The following GRM7 variants were observed in gnomAD, a reference collection of about 807,000 sequenced individuals.
The protein encoded by GRM7 is glutamate metabotropic receptor 7.
A neutral mutation model predicts 84.5 loss-of-function variants in GRM7; 35 were observed. That is an observed-to-expected ratio of 0.41 (90% CI 0.32 to 0.55). The LOEUF (loss-of-function observed/expected upper bound fraction) is 0.55. Among genes scored for constraint, GRM7 ranks in the 20% least tolerant of loss-of-function variants. GRM7 has a pLI of 0.19. For synonymous variants in GRM7, 487 were observed against 455.1 expected (o/e 1.07, Z -0.89); for missense variants, 1,003 against 1,194.6 (o/e 0.84, Z 2.36).
chr3:7,414,358 C>T (rs1174517666), intron 4 of GRM7, among the ~76,000 whole-genome samples: 2 of 152,148 alleles, frequency 1.3e-5, no homozygotes, highest in East Asian at 3.9e-4. Context: ...TATGTACCTG[C>T]TCATGGTTCC....
intron 4 of GRM7, among the ~76,000 whole-genome samples, chr3:7,311,774 T>C (rs2125042125): frequency 6.6e-6 from 1 of 152,178 alleles, no homozygotes; most frequent in African/African-American, 2.4e-5. Flanking sequence ...TTTGTATTTT[T>C]AGTAGAGACA....
chr3:7,370,850 G>A (rs1195269548), intron 4 of GRM7, among the ~76,000 whole-genome samples: 8 of 152,138 alleles, frequency 5.3e-5, no homozygotes, highest in South Asian at 2.1e-4. Context: ...AGGCAGCAGT[G>A]TGGTAATGTG....
rs1353641560 is a variant in GRM7, at chr3:7,645,122, C to T, written c.2452-34927C>T. 2.0e-5 allele frequency among the ~76,000 whole-genome samples: 3 copies of T among 152,108 alleles called. No homozygotes were observed. In the East Asian group the frequency reaches 5.8e-4, roughly 29 times the overall value. Reference sequence around the variant, plus strand: ...TTTCCCCAAAATGAGCCTTGCCTACCACCAGACAGGAGGAATAACTAAGAC... The same window carrying T: ...TTTCCCCAAAATGAGCCTTGCCTACTACCAGACAGGAGGAATAACTAAGAC... On this transcript the variant is annotated intron_variant, in intron 8 of 9. Coordinates refer to ENST00000357716, the MANE Select transcript of GRM7 (RefSeq NM_000844.4).
intron 1 of GRM7, among the ~76,000 whole-genome samples, chr3:6,887,007 T>C (rs1206490582): frequency 1.3e-5 from 2 of 152,056 alleles, no homozygotes; most frequent in Non-Finnish European, 2.9e-5. Flanking sequence ...ATGTCTATCA[T>C]TCTACCTCTG....
At chr3:7,255,727 T>C (rs964787354) in intron 2 of GRM7, among the ~76,000 whole-genome samples, 5 of 152,166 alleles carry the variant, frequency 3.3e-5, no homozygotes, top group Admixed American at 3.3e-4. Context: ...TTGAAGACAA[T>C]GTTGATGAGA....
intron 2 of GRM7, among the ~76,000 whole-genome samples, chr3:7,226,391 C>T (rs1021300483): frequency 4.6e-5 from 7 of 152,004 alleles, no homozygotes; most frequent in Non-Finnish European, 8.8e-5. Flanking sequence ...GGCTTTTTAC[C>T]GCATGTTGAC....
chr3:7,149,242 T>A (rs2125068505), intron 2 of GRM7, among the ~76,000 whole-genome samples: 1 of 152,192 alleles, frequency 6.6e-6, no homozygotes, highest in Non-Finnish European at 1.5e-5. Flanking sequence ...GTCTACTCAG[T>A]TTTGGTATGG....
chr3:6,880,245 G>A (rs1418570495), intron 1 of GRM7, among the ~76,000 whole-genome samples: 1 of 152,114 alleles, frequency 6.6e-6, no homozygotes, highest in Non-Finnish European at 1.5e-5. Context: ...TTTATTTTAT[G>A]CATTTTACCT....
At chr3:6,962,068 T>G (rs1693323964) in intron 1 of GRM7, among the ~76,000 whole-genome samples, 1 of 152,202 alleles carries the variant, frequency 6.6e-6, no homozygotes, top group African/African-American at 2.4e-5. Context: ...TCTCCACATC[T>G]TCCATCTTGC....
intron 1 of GRM7, among the ~76,000 whole-genome samples, chr3:6,944,246 A>G (rs1313828992): frequency 6.6e-6 from 1 of 152,060 alleles, no homozygotes; most frequent in Non-Finnish European, 1.5e-5. Flanking sequence ...ATATTCTTGT[A>G]TTGTTCCTCA....
intron 9 of GRM7, among the ~76,000 whole-genome samples, chr3:7,717,394 G>A (rs142572755): frequency 6.6e-6 from 1 of 152,236 alleles, no homozygotes; most frequent in African/African-American, 2.4e-5. Context: ...TTGCACAGGT[G>A]GTTGCGGAAG....
intron 1 of GRM7, among the ~76,000 whole-genome samples, chr3:7,056,984 C>T (rs1248658009): frequency 6.6e-6 from 1 of 151,874 alleles, no homozygotes; most frequent in African/African-American, 2.4e-5. Context: ...AATCATTCTG[C>T]AGTACAACTA....
chr3:7,662,575 C>A (rs1352713196), intron 8 of GRM7, among the ~76,000 whole-genome samples: 1 of 152,176 alleles, frequency 6.6e-6, no homozygotes, highest in South Asian at 2.1e-4. Context: ...ATAGAAATTA[C>A]TGTTAAATTT....
rs567253699 is a variant in GRM7, at chr3:7,579,213, A to G, written c.2307A>G (p.Thr769=). The G allele has an allele frequency of 8.1e-6, 13 of 1,613,960 alleles. No homozygotes were observed. The Admixed American group carries it at 8.3e-5, about 10-fold the overall frequency. ...GATATAGCATTCTTCTCATGGTCAC[A>G]TGTACTGTGTATGCCATCAAGACTC... is the stretch of plus-strand genomic sequence containing the variant. ...SLGYSILLMV[T]CTVYAIKTRG... Residue 769 remains threonine (T), a synonymous_variant, in exon 8 of 10, where the codon ACA becomes ACG. Transcript: ENST00000357716.
At chr3:7,210,714 C>T (rs78756097) in intron 2 of GRM7, among the ~76,000 whole-genome samples, 2,372 of 152,172 alleles carry the variant, frequency 0.016, 65 homozygotes, top group African/African-American at 0.054. Flanking sequence ...CTGTGACTAC[C>T]CTACCCTTTC....
chr3:7,702,331 G>A (rs1401860657), intron 9 of GRM7, among the ~76,000 whole-genome samples: 2 of 152,188 alleles, frequency 1.3e-5, no homozygotes, highest in African/African-American at 4.8e-5. Context: ...CCTGGGTGAT[G>A]CCCATGTTGC....
At chr3:7,634,612 G>A (rs960778512) in intron 8 of GRM7, among the ~76,000 whole-genome samples, 1 of 151,640 alleles carries the variant, frequency 6.6e-6, no homozygotes, top group African/African-American at 2.4e-5. Flanking sequence ...AGCTAACAGA[G>A]TGAAACACCA....
At chr3:7,427,595 G>T (rs1696662599) in intron 5 of GRM7, among the ~76,000 whole-genome samples, 1 of 152,058 alleles carries the variant, frequency 6.6e-6, no homozygotes, top group Non-Finnish European at 1.5e-5. Context: ...TTTTTAAAAA[G>T]TACAGTAAGC....
rs75613505 is a variant in GRM7 at position 7,041,241 on chromosome 3, G to A, written c.520-105211G>A. ...CATATCACCACAATCAAGATAACAA[G>A]CATATCATCACTGCCAAGTGTTTCC... On this transcript the variant is annotated intron_variant, in intron 1 of 9. Transcript: ENST00000357716. Among the ~76,000 whole-genome samples, 544 of 152,172 alleles carry A rather than the reference G, an allele frequency of 3.6e-3. 3 individuals carry two copies. Among genetic ancestry groups the A allele is most frequent in the African/African-American group, 0.012 (506 of 41,500 alleles).
Sources: gnomAD v4.1 joint callset for allele counts (sites outside exome capture counted in the v4.1 genomes callset) on GRCh38, gnomAD v4.1.1 for gene constraint, MANE v1.5 for transcripts, NCBI Gene and HGNC (gene_info 2026-07-23, HGNC 2026-07-21) for gene names.